LRMDA: variants seen among roughly 807,000 people sequenced by gnomAD.
LRMDA encodes leucine-rich melanocyte differentiation-associated protein.
In LRMDA, 18 loss-of-function variants were observed where a neutral mutation model predicts 29.8. The observed-to-expected ratio is 0.60, with a 90% CI of 0.42 to 0.90. LRMDA has a LOEUF of 0.90. Among genes scored for constraint, LRMDA ranks in the 40% least tolerant of loss-of-function variants. The pLI is 0.00. For missense variants in LRMDA, 273 were observed against 273.9 expected, an observed-to-expected ratio of 1.00 and a Z score of 0.02; for synonymous variants, 125 against 109.4, an observed-to-expected ratio of 1.14 and a Z score of -0.89.
At chr10:76,129,433 C>G (rs555239746) in intron 5 of LRMDA, among the ~76,000 whole-genome samples, 1 of 152,178 alleles carries the variant, frequency 6.6e-6, no homozygotes, top group African/African-American at 2.4e-5. Context: ...CAAATTGGTT[C>G]GGAGACTGAA....
chr10:75,852,749 C>T (rs1589228843), intron 2 of LRMDA, among the ~76,000 whole-genome samples: 1 of 152,074 alleles, frequency 6.6e-6, no homozygotes, highest in Non-Finnish European at 1.5e-5. Flanking sequence ...CATCAGTAGG[C>T]GGTAGCTCCT....
chr10:75,646,192 G>A (rs2132123072), intron 2 of LRMDA, among the ~76,000 whole-genome samples: 1 of 152,252 alleles, frequency 6.6e-6, no homozygotes, highest in African/African-American at 2.4e-5. Context: ...GGCTTTGCAT[G>A]TTTTGCAGCT....
At chr10:75,831,832 G>A (rs1844351659) in intron 2 of LRMDA, among the ~76,000 whole-genome samples, 1 of 152,208 alleles carries the variant, frequency 6.6e-6, no homozygotes, top group South Asian at 2.1e-4. Context: ...AGCTGCCAAA[G>A]CTTGGGGCTT....
chr10:75,970,280 C>T (rs565198895), intron 2 of LRMDA, among the ~76,000 whole-genome samples: 1 of 152,284 alleles, frequency 6.6e-6, no homozygotes, highest in Admixed American at 6.5e-5. Context: ...CTGTGTGGGC[C>T]TTAGTCTCCT....
chr10:75,566,034 C>T (rs1373529140), intron 2 of LRMDA, among the ~76,000 whole-genome samples: 1 of 152,166 alleles, frequency 6.6e-6, no homozygotes, highest in African/African-American at 2.4e-5. Flanking sequence ...GAGATCATGC[C>T]ACTGCACTGC....
intron 2 of LRMDA, among the ~76,000 whole-genome samples, chr10:75,802,932 A>ATGTG (rs71024568): frequency 1.5e-3 from 199 of 136,108 alleles, no homozygotes; most frequent in African/African-American, 5.0e-3. Context: ...TTAATACATT[A>ATGTG]TGTGTGTGTG....
chr10:76,206,002 C>T (rs1851527034), intron 5 of LRMDA, among the ~76,000 whole-genome samples: 1 of 152,170 alleles, frequency 6.6e-6, no homozygotes, highest in African/African-American at 2.4e-5. Flanking sequence ...GCATGGGAAA[C>T]TCGAGAAGCA....
At chr10:75,658,457 C>CT (rs201640621) in intron 2 of LRMDA, among the ~76,000 whole-genome samples, 1,652 of 151,278 alleles carry the variant, frequency 0.011, 10 homozygotes, top group Non-Finnish European at 0.014. Context: ...CAAAAGGTTT[C>CT]TTTTTTTTTA....
intron 2 of LRMDA, among the ~76,000 whole-genome samples, chr10:75,799,571 G>A (rs1004450743): frequency 3.3e-5 from 5 of 151,538 alleles, no homozygotes; most frequent in African/African-American, 1.2e-4. Flanking sequence ...CTGGAGTGCA[G>A]TGGTGCAATC....
chr10:75,992,822 C>T (rs971191595), intron 2 of LRMDA, among the ~76,000 whole-genome samples: 2 of 152,116 alleles, frequency 1.3e-5, no homozygotes, highest in Non-Finnish European at 2.9e-5. Flanking sequence ...CTAATTTTAC[C>T]TGAGTTAACT....
intron 2 of LRMDA, among the ~76,000 whole-genome samples, chr10:75,995,371 A>T (rs1001438657): frequency 8.5e-5 from 13 of 152,140 alleles, no homozygotes; most frequent in African/African-American, 2.9e-4. Context: ...AGTCTCAAGG[A>T]TGAGTCTTGG....
intron 2 of LRMDA, among the ~76,000 whole-genome samples, chr10:75,644,866 C>T (rs541489173): frequency 2.6e-5 from 4 of 152,192 alleles, no homozygotes; most frequent in African/African-American, 9.7e-5. Context: ...CTTGCTTACT[C>T]TGTCCTAATT....
chr10:76,151,029 G>A (rs944024709), intron 5 of LRMDA, among the ~76,000 whole-genome samples: 3 of 152,056 alleles, frequency 2.0e-5, no homozygotes, highest in African/African-American at 4.8e-5. Context: ...GAATCCAAGC[G>A]CCCTGTATGC....
chr10:75,961,005 A>G (rs987938392), intron 2 of LRMDA, among the ~76,000 whole-genome samples: 1 of 152,184 alleles, frequency 6.6e-6, no homozygotes, highest in African/African-American at 2.4e-5. Context: ...CAAATCTTTG[A>G]TAGATTTTAG....
chr10:76,426,061 A>G (rs1223196347), intron 6 of LRMDA, among the ~76,000 whole-genome samples: 1 of 152,190 alleles, frequency 6.6e-6, no homozygotes, highest in African/African-American at 2.4e-5. Flanking sequence ...GCAAATAAAC[A>G]TACGTGTGCA....
chr10:75,536,199 G>A (rs9415106), intron 2 of LRMDA, among the ~76,000 whole-genome samples: 113,252 of 151,884 alleles, frequency 0.75, 42,403 homozygotes, highest in East Asian at 0.85. Flanking sequence ...CTTGCAGGGC[G>A]GGTTCACATG....
intron 6 of LRMDA, among the ~76,000 whole-genome samples, chr10:76,370,042 A>G (rs746233085): frequency 6.6e-6 from 1 of 152,156 alleles, no homozygotes; most frequent in Non-Finnish European, 1.5e-5. Context: ...AGCAATAATG[A>G]GGTCCCATAA....
At chr10:75,673,898 C>G (rs1841930150) in intron 2 of LRMDA, among the ~76,000 whole-genome samples, 1 of 152,092 alleles carries the variant, frequency 6.6e-6, no homozygotes, top group African/African-American at 2.4e-5. Context: ...TTCTCTTTTC[C>G]TCCTTTCTTA....
Position 76,013,232 on chromosome 10 carries a change from C to T in LRMDA, c.132-22776C>T, listed in dbSNP as rs373411983. Among the ~76,000 whole-genome samples, 68 of 151,876 alleles carry T rather than the reference C, an allele frequency of 4.5e-4. No individual in the cohort carries two copies. The South Asian group carries it at 0.014, about 30-fold the overall frequency. ...GAATGGCTGCCCAGGTGGCGCTGTC[C>T]TTAATCCCTTCTTTACTGCTGCAGC... On this transcript the variant is annotated intron_variant, in intron 2 of 6. Coordinates refer to ENST00000611255, the MANE Select transcript of LRMDA (RefSeq NM_001305581.2).
Sources: gnomAD v4.1 joint callset for allele counts (sites outside exome capture counted in the v4.1 genomes callset) on GRCh38, gnomAD v4.1.1 for gene constraint, MANE v1.5 for transcripts, NCBI Gene and HGNC (gene_info 2026-07-23, HGNC 2026-07-21) for gene names.